The following SLC29A3 variants were observed in gnomAD, a reference collection of about 807,000 sequenced individuals.
SLC29A3 encodes the protein equilibrative nucleoside transporter 3.
SLC29A3 carries 18 observed loss-of-function variants against 25.4 expected under a neutral mutation model. The ratio of observed to expected loss-of-function variants is 0.71; its 90% CI spans 0.49 to 1.05. SLC29A3 has a LOEUF of 1.05. SLC29A3 is among the 50% of genes least tolerant of loss of function. The probability of loss-of-function intolerance (pLI) is 0.00; values close to 1 mark genes in which losing one functional copy is unlikely to be tolerated. For synonymous variants in SLC29A3, 258 were observed against 267.1 expected (o/e 0.97, Z 0.33); for missense variants, 586 against 609.0 (o/e 0.96, Z 0.40).
chr10:71,368,482 A>G (rs985563979), intron 3 of SLC29A3, among the ~76,000 whole-genome samples: 1 of 152,158 alleles, frequency 6.6e-6, no homozygotes, highest in Non-Finnish European at 1.5e-5. Flanking sequence ...CTAGAACCTG[A>G]CACTTGTTTG....
At position 71,358,905 on chromosome 10, in the gene SLC29A3, ATTTCTT is replaced by A. The variant is rs200121145; in HGVS notation, c.773+2678_773+2683del. On this transcript the variant is annotated intron_variant, in intron 5 of 5. Transcript: ENST00000373189. ...ACCATGCTATCCTGTAGACGCTTCT[ATTTCTT>A]TTTCTTTTTCTTTTTTTGTGATGGA... 6.8e-3 allele frequency among the ~76,000 whole-genome samples: 1,038 copies of A among 152,020 alleles called. 11 individuals carry two copies. The highest frequency in any genetic ancestry group is 0.024 in the African/African-American group (987 of 41,488).
intron 2 of SLC29A3, among the ~76,000 whole-genome samples, chr10:71,326,496 A>G (rs1032154498): frequency 1.3e-5 from 2 of 152,192 alleles, no homozygotes; most frequent in Non-Finnish European, 2.9e-5. Context: ...CCAACGTCCC[A>G]GCTTTCTGCC....
chr10:71,369,197 T>C (rs541716114), intron 3 of SLC29A3, among the ~76,000 whole-genome samples: 1 of 152,354 alleles, frequency 6.6e-6, no homozygotes, highest in South Asian at 2.1e-4. Flanking sequence ...ACCTTGATCT[T>C]GGATCTTCCA....
At chr10:71,331,181 C>G (rs1846109211) in intron 2 of SLC29A3, among the ~76,000 whole-genome samples, 1 of 152,164 alleles carries the variant, frequency 6.6e-6, no homozygotes, top group African/African-American at 2.4e-5. Context: ...CAAGGAGGAG[C>G]AAGTGATGCA....
chr10:71,356,692 C>T (rs549934246), intron 5 of SLC29A3, among the ~76,000 whole-genome samples: 23 of 151,968 alleles, frequency 1.5e-4, no homozygotes, highest in Non-Finnish European at 2.9e-4. Context: ...TGGGCATGGC[C>T]GCATGTGCCT....
At chr10:71,345,739 C>G (rs1846555528) in intron 3 of SLC29A3, among the ~76,000 whole-genome samples, 1 of 152,214 alleles carries the variant, frequency 6.6e-6, no homozygotes, top group African/African-American at 2.4e-5. Context: ...GACCGCCACC[C>G]CAGGAGGAGA....
chr10:71,371,773 A>G (rs555384026), intron 3 of SLC29A3, among the ~76,000 whole-genome samples: 5 of 152,350 alleles, frequency 3.3e-5, no homozygotes, highest in African/African-American at 1.2e-4. Flanking sequence ...TGTTGTGAAG[A>G]TTAAATGATT....
At chr10:71,341,060 G>A (rs1489927139) in intron 2 of SLC29A3, among the ~76,000 whole-genome samples, 13 of 152,284 alleles carry the variant, frequency 8.5e-5, no homozygotes, top group East Asian at 5.8e-4. Context: ...GAGGAGAGGC[G>A]GGCGAACGAT....
In SLC29A3 at chr10:71,354,353, G is replaced by A. The variant is rs1012640476; in HGVS notation, c.611-1728G>A. Among the ~76,000 whole-genome samples, 11 of 152,166 alleles carry A rather than the reference G, an allele frequency of 7.2e-5. No individual in the cohort carries two copies. The East Asian group carries it at 7.7e-4, about 11-fold the overall frequency. ...AAGAAGTAGAGCCAGGTTTGGACTC[G>A]GATGTTTTGATTCTGGAGTCTGAGT... On this transcript the variant is annotated intron_variant, in intron 4 of 5. Transcript: ENST00000373189.
chr10:71,358,991 G>A (rs914916253), intron 5 of SLC29A3, among the ~76,000 whole-genome samples: 2 of 152,162 alleles, frequency 1.3e-5, no homozygotes, highest in South Asian at 2.1e-4. Flanking sequence ...GCTCACGGCA[G>A]CCTTTATCTC....
intron 3 of SLC29A3, among the ~76,000 whole-genome samples, chr10:71,373,542 T>C (rs1847227239): frequency 6.6e-6 from 1 of 152,224 alleles, no homozygotes. Context: ...AAAATGGAGA[T>C]ATTAATCCTG....
intron 2 of SLC29A3, among the ~76,000 whole-genome samples, chr10:71,339,951 T>C (rs1846355617): frequency 6.6e-6 from 1 of 152,026 alleles, no homozygotes; most frequent in South Asian, 2.1e-4. Flanking sequence ...CTCCGTTGTA[T>C]CCACCCAGCC....
At chr10:71,336,830 G>C (rs903126549) in intron 2 of SLC29A3, among the ~76,000 whole-genome samples, 1 of 152,044 alleles carries the variant, frequency 6.6e-6, no homozygotes, top group African/African-American at 2.4e-5. Flanking sequence ...TTTGCTCATC[G>C]TCCAGCAGGG....
At chr10:71,329,400 G>C (rs1564527530) in intron 2 of SLC29A3, among the ~76,000 whole-genome samples, 1 of 148,808 alleles carries the variant, frequency 6.7e-6, no homozygotes, top group Admixed American at 6.7e-5. Flanking sequence ...AGAGGCTGCA[G>C]TGAGCCATGA....
intron 2 of SLC29A3, among the ~76,000 whole-genome samples, chr10:71,326,318 TAGGAC>T (rs1257345347): frequency 6.6e-6 from 1 of 152,180 alleles, no homozygotes; most frequent in African/African-American, 2.4e-5. Flanking sequence ...AAAAAGCACT[TAGGAC>T]AGGGCCTGGC....
chr10:71,329,987 C>T (rs1846082385), intron 2 of SLC29A3, among the ~76,000 whole-genome samples: 1 of 152,290 alleles, frequency 6.6e-6, no homozygotes. Context: ...TAGTCTACCT[C>T]GAGTGTGGGG....
At chr10:71,353,482 C>T (rs57311740) in intron 4 of SLC29A3, among the ~76,000 whole-genome samples, 7,257 of 152,234 alleles carry the variant, frequency 0.048, 369 homozygotes, top group African/African-American at 0.13. Flanking sequence ...CATTGGCAAG[C>T]GGTCCTCGGG....
intron 5 of SLC29A3, among the ~76,000 whole-genome samples, chr10:71,358,548 C>T (rs1047863732): frequency 6.6e-6 from 1 of 152,206 alleles, no homozygotes; most frequent in African/African-American, 2.4e-5. Context: ...CTCTCCATCC[C>T]CCAGCATCCT....
At chr10:71,354,376 A>C (rs1353991340) in intron 4 of SLC29A3, among the ~76,000 whole-genome samples, 1 of 152,188 alleles carries the variant, frequency 6.6e-6, no homozygotes, top group Non-Finnish European at 1.5e-5. Flanking sequence ...CTGGAGTCTG[A>C]GTTCCTAATT....
Sources: allele counts gnomAD v4.1 joint callset (sites outside exome capture counted in the v4.1 genomes callset), GRCh38; gene constraint gnomAD v4.1.1; transcripts MANE v1.5; gene names NCBI Gene and HGNC (gene_info 2026-07-23, HGNC 2026-07-21).